RBM20: variants seen among roughly 807,000 people sequenced by gnomAD.
The protein encoded by RBM20 is RNA binding motif protein 20, also known as RNA-binding protein 20.
Under a neutral mutation model 110.1 loss-of-function variants are expected in RBM20, and 51 were observed. The observed-to-expected ratio is 0.46, with a 90% CI of 0.37 to 0.59. RBM20 has a LOEUF of 0.59. Ranked by LOEUF, RBM20 falls within the 20% of genes least tolerant of loss-of-function variation. The probability of loss-of-function intolerance (pLI) is 0.00; values close to 1 mark genes in which losing one functional copy is unlikely to be tolerated. For synonymous variants in RBM20, 589 were observed against 618.2 expected, an observed-to-expected ratio of 0.95 and a Z score of 0.70; for missense variants, 1,512 against 1,574.9, an observed-to-expected ratio of 0.96 and a Z score of 0.68.
intron 1 of RBM20, among the ~76,000 whole-genome samples, chr10:110,735,881 G>C (rs1843665509): frequency 6.6e-6 from 1 of 152,198 alleles, no homozygotes; most frequent in Admixed American, 6.5e-5. Flanking sequence ...CTGATCTCAT[G>C]GCTAGATTAG....
chr10:110,711,724 A>T (rs1022659101), intron 1 of RBM20, among the ~76,000 whole-genome samples: 1 of 152,254 alleles, frequency 6.6e-6, no homozygotes. Context: ...AGTCTGATCC[A>T]GAAGAATTAT....
At position 110,801,300 on chromosome 10, in the gene RBM20, G is replaced by A. The variant is rs558457428; in HGVS notation, c.1800+1382G>A. Reference sequence around the variant, plus strand: ...AAATTAGCCAGGCGTGGTGGCAGGCGCCTGTAATCTCAGCTACTCGGGAGG... The same window carrying A: ...AAATTAGCCAGGCGTGGTGGCAGGCACCTGTAATCTCAGCTACTCGGGAGG... On this transcript the variant is annotated intron_variant, in intron 7 of 13. Coordinates refer to ENST00000369519, the MANE Select transcript of RBM20 (RefSeq NM_001134363.3). 2.0e-4 allele frequency among the ~76,000 whole-genome samples: 31 copies of A among 151,978 alleles called. 1 individual carries two copies. In the South Asian group the frequency reaches 2.9e-3, roughly 14 times the overall value.
chr10:110,767,324 G>C (rs1385838024), intron 1 of RBM20, among the ~76,000 whole-genome samples: 5 of 143,186 alleles, frequency 3.5e-5, no homozygotes, highest in African/African-American at 1.3e-4. Flanking sequence ...GGACGGGGCG[G>C]CTAGCCGGGT....
intron 1 of RBM20, among the ~76,000 whole-genome samples, chr10:110,747,307 G>T (rs1409301947): frequency 2.0e-5 from 3 of 149,088 alleles, no homozygotes; most frequent in Non-Finnish European, 3.0e-5. Flanking sequence ...GGGGGGGGGG[G>T]TCATTCTGGC....
chr10:110,804,061 C>T (rs537518335), intron 7 of RBM20, among the ~76,000 whole-genome samples: 1 of 152,270 alleles, frequency 6.6e-6, no homozygotes, highest in South Asian at 2.1e-4. Context: ...AGCTCTTTCT[C>T]CCCCTTCCCT....
chr10:110,680,044 T>A (rs1862400046), intron 1 of RBM20, among the ~76,000 whole-genome samples: 1 of 152,246 alleles, frequency 6.6e-6, no homozygotes. Flanking sequence ...CTAAATGACT[T>A]TAAGAACAAT....
At chr10:110,686,334 G>A (rs1480976989) in intron 1 of RBM20, among the ~76,000 whole-genome samples, 1 of 151,716 alleles carries the variant, frequency 6.6e-6, no homozygotes, top group Non-Finnish European at 1.5e-5. Flanking sequence ...TATAGTTAAG[G>A]TCATGGCTTC....
chr10:110,810,816 C>CAT (rs1212148499), intron 8 of RBM20, among the ~76,000 whole-genome samples: 1 of 140,598 alleles, frequency 7.1e-6, no homozygotes, highest in Non-Finnish European at 1.5e-5. Context: ...TGTGTGTGTG[C>CAT]GTGTGTGCGT....
intron 5 of RBM20, among the ~76,000 whole-genome samples, chr10:110,786,568 G>T (rs1844421553): frequency 6.6e-6 from 1 of 152,254 alleles, no homozygotes; most frequent in African/African-American, 2.4e-5. Flanking sequence ...TGGTGAAAGA[G>T]AATTTTGTGG....
At chr10:110,668,816 CAG>C in intron 1 of RBM20, among the ~76,000 whole-genome samples, 1 of 151,828 alleles carries the variant, frequency 6.6e-6, no homozygotes, top group African/African-American at 2.4e-5. Context: ...CACTTGAAGG[CAG>C]AGACTGACGA....
At chr10:110,793,977 A>T (rs773878126) in intron 5 of RBM20, among the ~76,000 whole-genome samples, 86 of 152,354 alleles carry the variant, frequency 5.6e-4, no homozygotes, top group South Asian at 2.1e-4. Flanking sequence ...GTTGGGAATT[A>T]CTGCGTAGCA....
intron 1 of RBM20, among the ~76,000 whole-genome samples, chr10:110,742,992 A>G (rs1334776949): frequency 1.3e-5 from 2 of 152,332 alleles, no homozygotes; most frequent in Middle Eastern, 3.4e-3. Flanking sequence ...TCATCAAGTC[A>G]GTTGCACAGG....
At position 110,831,159 on chromosome 10, in the gene RBM20, G is replaced by A. The variant is rs1300657058; in HGVS notation, c.3550G>A (p.Ala1184Thr). The A allele has an allele frequency of 8.4e-6, 13 of 1,551,486 alleles. No individual in the cohort carries two copies. The highest frequency in any genetic ancestry group is 3.9e-5 in the Admixed American group (2 of 50,974). Reference protein sequence around the residue: ...ETAKMSHCRSAVHYRNLQKYL... With the variant: ...ETAKMSHCRSTVHYRNLQKYL... ...AGCAAAGATGAGCCACTGCCGCAGC[G>A]CTGTCCACTACAGGAACTTACAGGT... is the stretch of plus-strand genomic sequence containing the variant. Residue 1184 changes from alanine to threonine, a missense_variant, in exon 13 of 14, where the codon GCT becomes ACT. Coordinates refer to ENST00000369519, the MANE Select transcript of RBM20 (RefSeq NM_001134363.3).
chr10:110,705,332 A>T (rs1418286318), intron 1 of RBM20, among the ~76,000 whole-genome samples: 1 of 152,276 alleles, frequency 6.6e-6, no homozygotes, highest in East Asian at 1.9e-4. Context: ...TGATTGAAGA[A>T]GAATGGATAT....
chr10:110,818,460 C>T (rs1844869523), intron 9 of RBM20, among the ~76,000 whole-genome samples: 1 of 119,106 alleles, frequency 8.4e-6, no homozygotes, highest in Admixed American at 9.3e-5. Flanking sequence ...CCTGTGGTGG[C>T]AGAGCCCTGC....
intron 7 of RBM20, 44 bp downstream of exon 7, chr10:110,799,962 A>C (rs1407429668): frequency 6.5e-7 from 1 of 1,539,398 alleles, no homozygotes; most frequent in South Asian, 1.2e-5. Flanking sequence ...CAAGCACCAG[A>C]TGAGTTTCTC....
intron 1 of RBM20, among the ~76,000 whole-genome samples, chr10:110,689,709 T>C (rs1451534398): frequency 6.6e-6 from 1 of 152,152 alleles, no homozygotes; most frequent in African/African-American, 2.4e-5. Context: ...CAGTGTAGAG[T>C]CCCTCCTGTT....
chr10:110,675,152 C>T (rs1172660553), intron 1 of RBM20, among the ~76,000 whole-genome samples: 3 of 152,002 alleles, frequency 2.0e-5, no homozygotes, highest in African/African-American at 7.2e-5. Context: ...TTGGGGGAGC[C>T]TTGAAGAAGT....
intron 1 of RBM20, among the ~76,000 whole-genome samples, chr10:110,685,680 G>A (rs1408726603): frequency 6.6e-6 from 1 of 152,050 alleles, no homozygotes; most frequent in African/African-American, 2.4e-5. Context: ...TATTTTTAAT[G>A]CCTAGAAAGG....
Sources: gnomAD v4.1 joint callset for allele counts (sites outside exome capture counted in the v4.1 genomes callset) on GRCh38, gnomAD v4.1.1 for gene constraint, MANE v1.5 for transcripts, NCBI Gene and HGNC (gene_info 2026-07-23, HGNC 2026-07-21) for gene names.